DSG4: variants seen among roughly 807,000 people sequenced by gnomAD.
The protein encoded by DSG4 is desmoglein-4.
In DSG4, 87 loss-of-function variants were observed where a neutral mutation model predicts 93.1. The ratio of observed to expected loss-of-function variants is 0.93; its 90% CI spans 0.79 to 1.12. The LOEUF is 1.12. Ranked by LOEUF, DSG4 falls within the 50% of genes most tolerant of loss-of-function variation. The pLI, the probability that DSG4 is intolerant of heterozygous loss-of-function variation, is 0.00. For missense variants in DSG4, 1,373 were observed against 1,285.7 expected (o/e 1.07, Z -1.04); for synonymous variants, 432 against 452.9 (o/e 0.95, Z 0.59).
At chr18:31,408,120 T>A (rs1429994619) in intron 12 of DSG4, among the ~76,000 whole-genome samples, 1 of 152,132 alleles carries the variant, frequency 6.6e-6, no homozygotes, top group Non-Finnish European at 1.5e-5. Context: ...AAGCCCATGG[T>A]CTATTTTAGG....
intron 1 of DSG4, 67 bp from the exon 2 acceptor site, chr18:31,385,069 T>C (rs980104529): frequency 7.6e-7 from 1 of 1,320,916 alleles, no homozygotes; most frequent in Non-Finnish European, 1.1e-6. Flanking sequence ...ATTGTCAATG[T>C]TTTTATGACA....
At position 31,399,401 on chromosome 18, in the gene DSG4, G is replaced by A. The variant is rs1411311328; in HGVS notation, c.1135G>A (p.Val379Met). The change falls in exon 9 of 16, where the codon GTG becomes ATG. Residue 379 changes from valine to methionine, a missense_variant. Physicochemically the swap from Val to Met is conservative, Grantham distance 21. Coordinates refer to ENST00000308128, the MANE Select transcript of DSG4 (RefSeq NM_177986.5). ...CCCTGTGAGAATTCAAGTTGTTGAT[G>A]TGAGAGAAGGACCTGCATTTCATCC... is the stretch of plus-strand genomic sequence containing the variant. ...PTPVRIQVVD[V>M]REGPAFHPST... 1 of 1,614,012 alleles carries A rather than the reference G, an allele frequency of 6.2e-7. No homozygotes were observed. Among genetic ancestry groups the A allele is most frequent in the African/African-American group, 1.3e-5 (1 of 74,912 alleles).
chr18:31,396,303 T>C (rs550477893), intron 8 of DSG4, among the ~76,000 whole-genome samples: 14 of 150,568 alleles, frequency 9.3e-5, no homozygotes, highest in African/African-American at 3.4e-4. Flanking sequence ...AGGGTTCACA[T>C]ATATTATCTC....
rs200219673 is a variant in DSG4 at position 31,386,769 on chromosome 18, G to A, written c.166G>A (p.Ala56Thr). ...RQKREWIKFA[A>T]ACREGEDNSK... ...AAAGCGGGAGTGGATCAAGTTTGCC[G>A]CAGCCTGTCGAGAAGGAGAGGACAA... is the stretch of plus-strand genomic sequence containing the variant. Residue 56 changes from alanine to threonine, a missense_variant, in exon 3 of 16, where the codon GCA (alanine) becomes ACA (threonine). Physicochemically the swap from Ala to Thr is moderately conservative, Grantham distance 58 (BLOSUM62 0). Coordinates refer to ENST00000308128, the MANE Select transcript of DSG4 (RefSeq NM_177986.5). 31 of 1,613,430 alleles carry A rather than the reference G, an allele frequency of 1.9e-5. No homozygotes were observed. Among genetic ancestry groups the A allele is most frequent in the Middle Eastern group, 1.7e-4 (1 of 6,058 alleles).
chr18:31,408,760 C>T (rs1413350977), intron 12 of DSG4, among the ~76,000 whole-genome samples: 1 of 152,082 alleles, frequency 6.6e-6, no homozygotes, highest in Non-Finnish European at 1.5e-5. Context: ...TGAAAAGCAA[C>T]CAGAGTGGGC....
intron 1 of DSG4, among the ~76,000 whole-genome samples, chr18:31,383,091 G>T (rs538935128): frequency 2.6e-5 from 4 of 152,124 alleles, no homozygotes; most frequent in Non-Finnish European, 4.4e-5. Flanking sequence ...CTATGAATGC[G>T]CCCTTGAAAG....
At chr18:31,392,064 G>T in intron 7 of DSG4, 91 bp from the exon 8 acceptor site, 1 of 1,232,874 alleles carries the variant, frequency 8.1e-7, no homozygotes, top group Admixed American at 1.8e-5. Context: ...GACATAGTTT[G>T]TTGTTAGTAT....
Position 31,395,233 on chromosome 18 carries a change from T to C in DSG4, c.1005+2893T>C, listed in dbSNP as rs192231910. Reference sequence around the variant, plus strand: ...ACTATCTGACTTATGTAATGTGCCTTCTGTGATAACAACTTTTTTAAAGAT... The same window carrying C: ...ACTATCTGACTTATGTAATGTGCCTCCTGTGATAACAACTTTTTTAAAGAT... On this transcript the variant is annotated intron_variant, in intron 8 of 15. Transcript: ENST00000308128. Among the ~76,000 whole-genome samples, 587 of 152,080 alleles carry C rather than the reference T, an allele frequency of 3.9e-3. 4 individuals carry two copies. In the Middle Eastern group the frequency reaches 0.041, roughly 11 times the overall value.
Position 31,413,607 on chromosome 18 carries a change from TC to T in DSG4, c.*13del. 1.2e-6 allele frequency: 2 copies of T among 1,611,734 alleles called. No individual in the cohort carries two copies. The highest frequency in any genetic ancestry group is 1.7e-6 in the Non-Finnish European group (2 of 1,179,950). On this transcript the variant is annotated 3_prime_UTR_variant, in exon 16 of 16. Coordinates refer to ENST00000308128, the MANE Select transcript of DSG4 (RefSeq NM_177986.5). ...ACACCCAACAGTAAGTGCTTTATGG[TC>T]AGTATTCTATGTGGAGACCTTGCAC...
At position 31,385,153 on chromosome 18, in the gene DSG4, C is replaced by A. The variant is rs751253732; in HGVS notation, c.66C>A (p.Asn22Lys). ...LIILMVVMEV[N>K]SEFIVEVKEF... ...CAAAACAGGTGGTGATGGAAGTAAA[C>A]AGTGAATTTATTGTTGAGGTAATGT... The change falls in exon 2 of 16, where the codon AAC becomes AAA. Residue 22 changes from asparagine to lysine, a missense_variant. Physicochemically the swap from Asn to Lys is moderately conservative, Grantham distance 94. Transcript: ENST00000308128. 1.3e-5 allele frequency: 21 copies of A among 1,597,972 alleles called. No homozygotes were observed. The East Asian group carries it at 4.3e-4, about 32-fold the overall frequency.
intron 1 of DSG4, among the ~76,000 whole-genome samples, chr18:31,382,673 G>A (rs774895005): frequency 1.3e-5 from 2 of 152,060 alleles, no homozygotes; most frequent in East Asian, 1.9e-4. Context: ...AGTTCCTTCC[G>A]GGAGACCTGT....
At position 31,400,931 on chromosome 18, in the gene DSG4, C is replaced by T; in HGVS notation, c.1328C>T (p.Thr443Ile). The change falls in exon 10 of 16, where the codon ACT becomes ATT. Residue 443 changes from threonine (T) to isoleucine (I), a missense_variant. Transcript: ENST00000308128. ...AGCTGGTTAAAAATTGATTCAAGAA[C>T]TGGTGAGATACAATTTTCTAGAGAA... The part of the protein sequence containing the change: ...AGSWLKIDSR[T>I]GEIQFSREFD... The T allele has an allele frequency of 6.2e-7, 1 of 1,612,448 alleles. No individual in the cohort carries two copies. The highest frequency in any genetic ancestry group is 8.5e-7 in the Non-Finnish European group (1 of 1,179,052).
Position 31,388,440 on chromosome 18 carries a change from A to G in DSG4, c.290A>G (p.Tyr97Cys), listed in dbSNP as rs780365981. The change falls in exon 4 of 16, where the codon TAT becomes TGT. Residue 97 changes from tyrosine (Y) to cysteine (C), a missense_variant. Transcript: ENST00000308128. ...GGAGTAGGGATTGATCGACCACCAT[A>G]TGGGGTATTCACCATTAATCCTCGC... The part of the protein sequence containing the change: ...ISGVGIDRPP[Y>C]GVFTINPRTG... 2.5e-6 allele frequency: 4 copies of G among 1,613,506 alleles called. No individual in the cohort carries two copies. Among genetic ancestry groups the G allele is most frequent in the Non-Finnish European group, 3.4e-6 (4 of 1,179,654 alleles).
chr18:31,413,448 C>T lies in DSG4; in HGVS notation c.2976C>T (p.Ser992=), dbSNP rs772770347. Residue 992 remains serine (S), a synonymous_variant, in exon 16 of 16, where the codon AGC becomes AGT. Coordinates refer to ENST00000308128, the MANE Select transcript of DSG4 (RefSeq NM_177986.5). ...AGGGTTGTATGGGACCTGTGATGAG[C>T]GGCAATATTTTAGTAGGGCCAGAAA... ...TTEGCMGPVM[S]GNILVGPEIQ... is the part of the protein sequence containing the mutation. 17 of 1,612,058 alleles carry T rather than the reference C, an allele frequency of 1.1e-5. No homozygotes were observed. The highest frequency in any genetic ancestry group is 1.6e-4 in the Middle Eastern group (1 of 6,076).
intron 4 of DSG4, 52 bp from the exon 5 acceptor site, chr18:31,388,822 T>C (rs2072217509): frequency 6.2e-7 from 1 of 1,612,524 alleles, no homozygotes; most frequent in Admixed American, 1.7e-5. Context: ...TTCAAGCATG[T>C]TACTAAAATT....
intron 15 of DSG4, 82 bp downstream of exon 15, chr18:31,411,530 T>C: frequency 1.3e-6 from 2 of 1,481,554 alleles, no homozygotes; most frequent in Non-Finnish European, 1.9e-6. Context: ...GTAGTAGGCC[T>C]CTTCGGAAAT....
chr18:31,412,190 A>G (rs2072502261), intron 15 of DSG4, among the ~76,000 whole-genome samples: 1 of 152,266 alleles, frequency 6.6e-6, no homozygotes, highest in African/African-American at 2.4e-5. Context: ...TTATTCAGCC[A>G]TAAAAAATGA....
At position 31,403,499 on chromosome 18, in the gene DSG4, A is replaced by G. The variant is rs1446638902; in HGVS notation, c.1501A>G (p.Arg501Gly). Reference sequence around the variant, plus strand: ...TTATTGTCCAAACATTTTTCCTGAAAGAAGAACCATCTGCATTGACTCTCC... The same window carrying G: ...TTATTGTCCAAACATTTTTCCTGAAGGAAGAACCATCTGCATTGACTCTCC... ...NDYCPNIFPE[R>G]RTICIDSPSV... The change falls in exon 11 of 16, where the codon AGA (arginine) becomes GGA (glycine). Residue 501 changes from arginine (R) to glycine (G), a missense_variant. By Grantham distance (125) the Arg-to-Gly change is moderately radical. Transcript: ENST00000308128. 3 of 1,614,084 alleles carry G rather than the reference A, an allele frequency of 1.9e-6. No homozygotes were observed.
In DSG4 at chr18:31,376,891, G is replaced by A. The variant is rs756592700; in HGVS notation, c.-21G>A. On this transcript the variant is annotated 5_prime_UTR_variant, in exon 1 of 16. The change creates a new upstream start codon in the 5' untranslated region. Transcript: ENST00000308128. Reference sequence around the variant, plus strand: ...TCAAATTGAATCTCACAGGATTTGCGTGCAAGAGAAACCCAAAGGAATGGA... The same window carrying A: ...TCAAATTGAATCTCACAGGATTTGCATGCAAGAGAAACCCAAAGGAATGGA... 7.4e-5 allele frequency: 119 copies of A among 1,613,312 alleles called. No homozygotes were observed. Among genetic ancestry groups the A allele is most frequent in the East Asian group, 3.1e-4 (14 of 44,852 alleles).
Sources: gnomAD v4.1 joint callset for allele counts (sites outside exome capture counted in the v4.1 genomes callset) on GRCh38, gnomAD v4.1.1 for gene constraint, MANE v1.5 for transcripts, NCBI Gene and HGNC (gene_info 2026-07-23, HGNC 2026-07-21) for gene names.